The following AFM variants were observed in gnomAD, a reference collection of about 807,000 sequenced individuals.
The protein encoded by AFM is alpha-Alb.
A neutral mutation model predicts 68.7 loss-of-function variants in AFM; 82 were observed. The observed-to-expected ratio is 1.19, with a 90% CI of 1.00 to 1.43. The LOEUF (loss-of-function observed/expected upper bound fraction) is 1.43. Ranked by LOEUF, AFM falls within the 40% of genes most tolerant of loss-of-function variation. The pLI, the probability that AFM is intolerant of heterozygous loss-of-function variation, is 0.00. For missense variants in AFM, 772 were observed against 701.8 expected, an observed-to-expected ratio of 1.10 and a Z score of -1.13; for synonymous variants, 250 against 234.2, an observed-to-expected ratio of 1.07 and a Z score of -0.61.
rs377416041 is a variant in AFM at position 73,487,104 on chromosome 4, G to A, written c.615+5G>A. 4 of 1,613,628 alleles carry A rather than the reference G, an allele frequency of 2.5e-6. No homozygotes were observed. The highest frequency in any genetic ancestry group is 3.3e-5 in the Admixed American group (2 of 59,944). On this transcript the variant is annotated splice_donor_5th_base_variant and intron_variant, in intron 5 of 14. Transcript: ENST00000226355. ...GTCAACTGCCTTCAAACAAGGGTGG[G>A]TATAGCATTTGTTCCATGAAGAGGA...
intron 4 of AFM, 94 bp from the exon 5 acceptor site, chr4:73,486,873 C>CTCCCT (rs149807908): frequency 0.026 from 31,402 of 1,212,952 alleles, 755 homozygotes; most frequent in East Asian, 0.11. Flanking sequence ...CCATCTTACC[C>CTCCCT]TCCCTTCCCT....
chr4:73,488,876 A>C lies in AFM; in HGVS notation c.843+117A>C, dbSNP rs1000814035. 3 of 994,360 alleles carry C rather than the reference A, an allele frequency of 3.0e-6. No individual in the cohort carries two copies. The African/African-American group carries it at 5.0e-5, about 17-fold the overall frequency. 61.6% of individuals were successfully genotyped at this position (994,360 alleles called of 1,614,324 possible). On this transcript the variant is annotated intron_variant, in intron 7 of 14. Transcript: ENST00000226355. ...CACAATGAAATCAGAATGTGATTTA[A>C]CTTTTGAATGAAAGCATAAAATGAA...
At chr4:73,489,163 T>C (rs1266269355) in intron 7 of AFM, among the ~76,000 whole-genome samples, 2 of 152,166 alleles carry the variant, frequency 1.3e-5, no homozygotes, top group Non-Finnish European at 2.9e-5. Flanking sequence ...CTGAGCTTCC[T>C]TACGCTATTC....
chr4:73,491,482 T>G (rs1469402245), intron 7 of AFM, among the ~76,000 whole-genome samples: 1 of 152,176 alleles, frequency 6.6e-6, no homozygotes, highest in Non-Finnish European at 1.5e-5. Context: ...AAGACCAGGA[T>G]TATAGATATT....
chr4:73,488,626 C>A lies in AFM; in HGVS notation c.714-4C>A. 1 of 1,601,216 alleles carries A rather than the reference C, an allele frequency of 6.2e-7. No individual in the cohort carries two copies. Among genetic ancestry groups the A allele is most frequent in the Non-Finnish European group, 8.5e-7 (1 of 1,174,986 alleles). On this transcript the variant is annotated splice_polypyrimidine_tract_variant and splice_region_variant and intron_variant, in intron 6 of 14. Coordinates refer to ENST00000226355, the MANE Select transcript of AFM (RefSeq NM_001133.2). The stretch of plus-strand genomic sequence containing the variant: ...TTTTTGTGGTTTATCAATTCTCTTT[C>A]CAGATATATTGCGATACTCAGTCAA...
chr4:73,494,831 A>G (rs1721205952), intron 8 of AFM, among the ~76,000 whole-genome samples: 1 of 152,178 alleles, frequency 6.6e-6, no homozygotes, highest in Non-Finnish European at 1.5e-5. Flanking sequence ...ACACTCCCAT[A>G]GTTGGCAAGT....
chr4:73,499,078 T>C, intron 10 of AFM, 36 bp from the exon 11 acceptor site: 1 of 1,595,552 alleles, frequency 6.3e-7, no homozygotes, highest in Non-Finnish European at 8.6e-7. Context: ...GGGTATCTGC[T>C]TTCATTCAGA....
chr4:73,491,973 TAACTC>T lies in AFM; in HGVS notation c.948_952del (p.Asn316LysfsTer4), dbSNP rs2149344821. The T allele has an allele frequency of 1.2e-6, 2 of 1,613,874 alleles. No homozygotes were observed. Among genetic ancestry groups the T allele is most frequent in the Non-Finnish European group, 1.7e-6 (2 of 1,179,884 alleles). Reference sequence around the variant, plus strand: ...TACCAGAGCGCGGCCAGTGCATAATTAACTCAAACAAAGATGATAGACCAAAGGAT... The same window carrying T: ...TACCAGAGCGCGGCCAGTGCATAATTAAACAAAGATGATAGACCAAAGGAT... On this transcript the variant is annotated frameshift_variant, in exon 8 of 15. Transcript: ENST00000226355. LOFTEE classifies it high-confidence loss of function.
chr4:73,484,494 C>CTTTCTTTT (rs1218348767), intron 3 of AFM, 104 bp downstream of exon 3: 1 of 821,954 alleles, frequency 1.2e-6, no homozygotes, highest in Non-Finnish European at 1.7e-6. Flanking sequence ...TTCTTTCTTT[C>CTTTCTTTT]TTTCTTTCTT....
At position 73,500,002 on chromosome 4, in the gene AFM, A is replaced by C. The variant is rs1721383148; in HGVS notation, c.1423-2A>C. Reference sequence around the variant, plus strand: ...TCTCAGTTGCAACTCTTGTTGGTACAGGCAGATTTAGTTTTTGGAGAGTTA... The same window carrying C: ...TCTCAGTTGCAACTCTTGTTGGTACCGGCAGATTTAGTTTTTGGAGAGTTA... On this transcript the variant is annotated splice_acceptor_variant, in intron 11 of 14. Coordinates refer to ENST00000226355, the MANE Select transcript of AFM (RefSeq NM_001133.2). LOFTEE classifies it high-confidence loss of function. 3 of 1,613,336 alleles carry C rather than the reference A, an allele frequency of 1.9e-6. No homozygotes were observed. The East Asian group carries it at 6.7e-5, about 36-fold the overall frequency.
At chr4:73,499,811 T>A (rs1721376346) in intron 11 of AFM, among the ~76,000 whole-genome samples, 193 bp from the exon 12 acceptor site, 1 of 152,124 alleles carries the variant, frequency 6.6e-6, no homozygotes. Flanking sequence ...ATGGCTTGGA[T>A]TTTGGTCATA....
intron 4 of AFM, 32 bp downstream of exon 4, chr4:73,486,105 T>C (rs981764166): frequency 1.9e-6 from 3 of 1,560,326 alleles, no homozygotes; most frequent in African/African-American, 1.4e-5. Flanking sequence ...AATGATCCAG[T>C]TGAAGAATTA....
chr4:73,495,111 T>C, intron 8 of AFM, 189 bp from the exon 9 acceptor site: 1 of 429,464 alleles, frequency 2.3e-6, no homozygotes, highest in Non-Finnish European at 4.1e-6. Context: ...AAACGTACCA[T>C]GGAAGAGAAC....
chr4:73,489,305 C>T (rs770633109), intron 7 of AFM, among the ~76,000 whole-genome samples: 19 of 151,966 alleles, frequency 1.3e-4, no homozygotes, highest in South Asian at 4.2e-4. Context: ...TTTCTTTCCA[C>T]GTTCCCTTTC....
chr4:73,503,091 T>G lies in AFM; in HGVS notation c.*21T>G. ...ACTGAAGCCAGCTGCTGGAGATATG[T>G]AAAGAAAAAAGCACCAAAGGTAATA... On this transcript the variant is annotated 3_prime_UTR_variant, in exon 14 of 15. Coordinates refer to ENST00000226355, the MANE Select transcript of AFM (RefSeq NM_001133.2). The G allele has an allele frequency of 6.2e-7, 1 of 1,612,372 alleles. No individual in the cohort carries two copies. Among genetic ancestry groups the G allele is most frequent in the Non-Finnish European group, 8.5e-7 (1 of 1,178,712 alleles).
At position 73,501,868 on chromosome 4, in the gene AFM, A is replaced by T. The variant is rs190901371; in HGVS notation, c.1728A>T (p.Val576=). The change falls in exon 13 of 15, where the codon GTA becomes GTT. Residue 576 remains valine (V), a synonymous_variant. Transcript: ENST00000226355. ...LQSLFTNFAN[V]VDKCCKAESP... ...CTTTGTTTACAAATTTCGCAAATGTAGTGGATAAGTGCTGCAAAGCAGAGA... is the reference window on the plus strand; with the variant it reads ...CTTTGTTTACAAATTTCGCAAATGTTGTGGATAAGTGCTGCAAAGCAGAGA... The T allele has an allele frequency of 6.2e-7, 1 of 1,613,476 alleles. No homozygotes were observed. Among genetic ancestry groups the T allele is most frequent in the Non-Finnish European group, 8.5e-7 (1 of 1,179,676 alleles).
chr4:73,503,048 A>C lies in AFM; in HGVS notation c.1780-2A>C. 6.2e-7 allele frequency: 1 copy of C among 1,613,148 alleles called. No individual in the cohort carries two copies. Among genetic ancestry groups the C allele is most frequent in the South Asian group, 1.1e-5 (1 of 91,038 alleles). On this transcript the variant is annotated splice_acceptor_variant, in intron 13 of 14. Transcript: ENST00000226355. LOFTEE classifies it high-confidence loss of function. ...TGTTTTTATTTCCATCCCTCACCTC[A>C]GAGTCCAAAAATTGGCAACTGAAGC... is the stretch of plus-strand genomic sequence containing the variant.
rs79127406 is a variant in AFM at position 73,497,635 on chromosome 4, A to T, written c.1192-17A>T. On this transcript the variant is annotated splice_polypyrimidine_tract_variant and intron_variant, in intron 9 of 14. Coordinates refer to ENST00000226355, the MANE Select transcript of AFM (RefSeq NM_001133.2). ...TTTAGATAAAATGTTTGTAACCATG[A>T]TTATTCTTATTTTCAGGAAGACAAA... 4,099 of 1,518,508 alleles carry T rather than the reference A, an allele frequency of 2.7e-3. 115 individuals are homozygous for T. In the African/African-American group the frequency reaches 0.05, roughly 19 times the overall value. 94.1% of individuals were successfully genotyped at this position (1,518,508 alleles called of 1,614,324 possible).
rs768757281 is a variant in AFM at position 73,484,282 on chromosome 4, T to C, written c.162T>C (p.Tyr54=). ...EYITIIAFAQ[Y]VQEATFEEME... is the part of the protein sequence containing the mutation. ...GCACCATCATTGCATTTGCTCAGTA[T>C]GTTCAGGAAGCAACCTTTGAAGAAA... Residue 54 remains tyrosine (Y), a synonymous_variant, in exon 3 of 15, where the codon TAT becomes TAC. Coordinates refer to ENST00000226355, the MANE Select transcript of AFM (RefSeq NM_001133.2). 3.7e-6 allele frequency: 6 copies of C among 1,612,578 alleles called. No individual in the cohort carries two copies. The African/African-American group carries it at 4.0e-5, about 11-fold the overall frequency.
Sources: allele counts gnomAD v4.1 joint callset (sites outside exome capture counted in the v4.1 genomes callset), GRCh38; gene constraint gnomAD v4.1.1; transcripts MANE v1.5; gene names NCBI Gene and HGNC (gene_info 2026-07-23, HGNC 2026-07-21).